Variants in TPST1 observed in about 807,000 individuals in gnomAD.
The protein encoded by TPST1 is protein-tyrosine sulfotransferase 1.
A neutral mutation model predicts 34.8 loss-of-function variants in TPST1; 20 were observed. The ratio of observed to expected loss-of-function variants is 0.57; its 90% CI spans 0.40 to 0.84. The LOEUF is 0.84. Among genes scored for constraint, TPST1 ranks in the 40% least tolerant of loss-of-function variants. The probability of loss-of-function intolerance (pLI) is 0.00; values close to 1 mark genes in which losing one functional copy is unlikely to be tolerated. For synonymous variants in TPST1, 152 were observed against 159.4 expected (o/e 0.95, Z 0.35); for missense variants, 353 against 455.5 (o/e 0.78, Z 2.05).
At chr7:66,228,010 G>A (rs1362908462) in intron 1 of TPST1, among the ~76,000 whole-genome samples, 1 of 152,118 alleles carries the variant, frequency 6.6e-6, no homozygotes, top group Non-Finnish European at 1.5e-5. Context: ...TACTATGCAG[G>A]CATTAAAATG....
chr7:66,340,470 A>T (rs906038137), intron 3 of TPST1, among the ~76,000 whole-genome samples: 1 of 152,208 alleles, frequency 6.6e-6, no homozygotes, highest in African/African-American at 2.4e-5. Flanking sequence ...TGCAGATAAC[A>T]TGATCCTGTA....
At chr7:66,209,453 G>A (rs1023903802) in intron 1 of TPST1, among the ~76,000 whole-genome samples, 1 of 152,164 alleles carries the variant, frequency 6.6e-6, no homozygotes, top group Non-Finnish European at 1.5e-5. Context: ...TTCTTCCTGG[G>A]CAGATCTTAC....
intron 1 of TPST1, among the ~76,000 whole-genome samples, chr7:66,224,118 A>G (rs1789601157): frequency 6.6e-6 from 1 of 152,160 alleles, no homozygotes; most frequent in Non-Finnish European, 1.5e-5. Context: ...ACGTGCAGCT[A>G]GGAAAAGGTG....
At chr7:66,327,400 A>G (rs1791888934) in intron 3 of TPST1, among the ~76,000 whole-genome samples, 1 of 152,146 alleles carries the variant, frequency 6.6e-6, no homozygotes, top group Non-Finnish European at 1.5e-5. Context: ...TGGTTGTAAG[A>G]CTAGTCTTTT....
intron 1 of TPST1, among the ~76,000 whole-genome samples, chr7:66,211,042 T>G (rs1789232916): frequency 8.7e-6 from 1 of 114,538 alleles, no homozygotes; most frequent in African/African-American, 3.7e-5. Context: ...ACATAGTTTC[T>G]TGCTTTCCTG....
intron 3 of TPST1, among the ~76,000 whole-genome samples, chr7:66,347,559 A>G (rs1253681331): frequency 1.3e-5 from 2 of 152,168 alleles, no homozygotes; most frequent in African/African-American, 4.8e-5. Flanking sequence ...TGCCAGTACC[A>G]TGCTGTTTTG....
chr7:66,330,691 C>T (rs1791979824), intron 3 of TPST1, among the ~76,000 whole-genome samples: 1 of 152,134 alleles, frequency 6.6e-6, no homozygotes, highest in Non-Finnish European at 1.5e-5. Context: ...CTAAAATCTA[C>T]CAACTATCAA....
At chr7:66,324,528 T>C (rs1791821189) in intron 3 of TPST1, among the ~76,000 whole-genome samples, 1 of 152,092 alleles carries the variant, frequency 6.6e-6, no homozygotes. Flanking sequence ...CATTTTCGGC[T>C]GGGTGCAGTG....
intron 4 of TPST1, among the ~76,000 whole-genome samples, chr7:66,356,547 C>T (rs1310953774): frequency 6.6e-6 from 1 of 152,222 alleles, no homozygotes; most frequent in African/African-American, 2.4e-5. Flanking sequence ...GCAGCCCCAT[C>T]CTGAATCATC....
At chr7:66,256,330 A>C (rs889454118) in intron 2 of TPST1, among the ~76,000 whole-genome samples, 1 of 152,220 alleles carries the variant, frequency 6.6e-6, no homozygotes, top group Non-Finnish European at 1.5e-5. Context: ...CTGTGTAGTA[A>C]GTTACCCCAG....
chr7:66,273,820 T>A (rs763425559), intron 2 of TPST1, among the ~76,000 whole-genome samples: 26 of 151,922 alleles, frequency 1.7e-4, no homozygotes, highest in Non-Finnish European at 2.6e-4. Flanking sequence ...TTTTTTCTTT[T>A]GAGACAGGGT....
At chr7:66,203,685 C>G (rs1765109796), upstream of TPST1, among the ~76,000 whole-genome samples, 2 of 151,426 alleles carry the variant, frequency 1.3e-5, no homozygotes, top group Non-Finnish European at 2.9e-5. Context: ...CGGGGTTTCA[C>G]CGTGTTAACC....
Position 66,296,249 on chromosome 7 carries a change from C to CG in TPST1, c.1044+9540_1044+9541insG, listed in dbSNP as rs1791191598. Among the ~76,000 whole-genome samples the CG allele has an allele frequency of 5.3e-3, 245 of 46,314 alleles. 13 individuals carry two copies. Among genetic ancestry groups the CG allele is most frequent in the African/African-American group, 0.025 (228 of 9,192 alleles). 30.4% of individuals were successfully genotyped at this position (46,314 alleles called of 152,430 possible). ...TGAAATTAAAAAACACCCACCCTTCCCCCCCCCCTCCCCCACCGTCTCTGC... is the reference window on the plus strand; with the variant it reads ...TGAAATTAAAAAACACCCACCCTTCCGCCCCCCCCTCCCCCACCGTCTCTGC... On this transcript the variant is annotated intron_variant, in intron 3 of 5. Transcript: ENST00000304842.
intron 3 of TPST1, among the ~76,000 whole-genome samples, chr7:66,331,996 A>G (rs1792003726): frequency 6.6e-6 from 1 of 152,162 alleles, no homozygotes; most frequent in Admixed American, 6.6e-5. Flanking sequence ...GTTGCAGGAA[A>G]ACAAGCTCAG....
chr7:66,318,507 G>C (rs1003383087), intron 3 of TPST1, among the ~76,000 whole-genome samples: 2 of 145,650 alleles, frequency 1.4e-5, no homozygotes, highest in African/African-American at 5.1e-5. Context: ...TCACTCTGTT[G>C]TCAGGCTGGA....
intron 3 of TPST1, among the ~76,000 whole-genome samples, chr7:66,318,784 G>A (rs946739177): frequency 2.0e-5 from 3 of 152,162 alleles, no homozygotes; most frequent in Non-Finnish European, 4.4e-5. Context: ...TTTGGTAAAG[G>A]TAAATTGATG....
intron 2 of TPST1, among the ~76,000 whole-genome samples, chr7:66,254,217 A>G (rs1239405033): frequency 2.0e-5 from 3 of 152,166 alleles, no homozygotes; most frequent in Non-Finnish European, 4.4e-5. Flanking sequence ...TTCTTAAAAT[A>G]TTAAGCCATT....
At position 66,269,193 on chromosome 7, in the gene TPST1, A is replaced by G. The variant is rs78357725; in HGVS notation, c.846-17318A>G. ...CTGAATTATTTCTAATCAGTGGAGA[A>G]CAGATGAGTCCGATGCTATTTAAGC... On this transcript the variant is annotated intron_variant, in intron 2 of 5. Transcript: ENST00000304842. Among the ~76,000 whole-genome samples, 223 of 152,356 alleles carry G rather than the reference A, an allele frequency of 1.5e-3. 3 individuals carry two copies. The East Asian group carries it at 0.026, about 18-fold the overall frequency.
chr7:66,320,608 TTG>T (rs1342416214), intron 3 of TPST1, among the ~76,000 whole-genome samples: 1 of 151,718 alleles, frequency 6.6e-6, no homozygotes, highest in Non-Finnish European at 1.5e-5. Context: ...ATAGTTTTTT[TTG>T]TGTGTGTGAT....
Sources: allele counts gnomAD v4.1 joint callset (sites outside exome capture counted in the v4.1 genomes callset), GRCh38; gene constraint gnomAD v4.1.1; transcripts MANE v1.5; gene names NCBI Gene and HGNC (gene_info 2026-07-23, HGNC 2026-07-21).